PRKCE: variants seen among roughly 807,000 people sequenced by gnomAD.
PRKCE encodes protein kinase C epsilon type.
PRKCE carries 16 observed loss-of-function variants against 85.4 expected under a neutral mutation model. The ratio of observed to expected loss-of-function variants is 0.19; its 90% CI spans 0.13 to 0.28. The LOEUF (loss-of-function observed/expected upper bound fraction) is 0.28, where lower values mean the gene tolerates loss of function less well. Ranked by LOEUF, PRKCE falls within the 10% of genes least tolerant of loss-of-function variation. PRKCE has a pLI of 1.00. For missense variants in PRKCE, 573 were observed against 975.2 expected, an observed-to-expected ratio of 0.59 and a Z score of 5.49; for synonymous variants, 388 against 371.5, an observed-to-expected ratio of 1.04 and a Z score of -0.51.
chr2:45,703,030 G>T lies in PRKCE; in HGVS notation c.348+50582G>T, dbSNP rs993165966. On this transcript the variant is annotated intron_variant, in intron 1 of 14. Coordinates refer to ENST00000306156, the MANE Select transcript of PRKCE (RefSeq NM_005400.3). ...TTGAGAAAGCCTTTTTTCCCCCCCC[G>T]TCAGGAAGTCAGTCCTTATTCCTAA... 7.1e-5 allele frequency among the ~76,000 whole-genome samples: 8 copies of T among 112,740 alleles called. No individual in the cohort carries two copies. In the East Asian group the frequency reaches 1.2e-3, roughly 17 times the overall value. The allele number at this position is 112,740 out of a possible 152,430, so 74.0% of individuals were successfully genotyped here. A position where few individuals can be genotyped will look rare whatever the true frequency, so the allele number is the denominator to read the frequency against.
At chr2:46,096,372 A>T (rs1396220895) in intron 11 of PRKCE, among the ~76,000 whole-genome samples, 3 of 152,204 alleles carry the variant, frequency 2.0e-5, no homozygotes, top group Non-Finnish European at 4.4e-5. Context: ...GGAGTCAGAA[A>T]GTGAATGGAC....
intron 2 of PRKCE, among the ~76,000 whole-genome samples, chr2:45,855,132 A>T (rs1391366530): frequency 2.6e-5 from 4 of 151,158 alleles, no homozygotes; most frequent in Non-Finnish European, 5.9e-5. Context: ...CAGTGTTTCC[A>T]TTTGTTCTAT....
At chr2:45,688,658 C>T (rs1677488945) in intron 1 of PRKCE, among the ~76,000 whole-genome samples, 1 of 152,116 alleles carries the variant, frequency 6.6e-6, no homozygotes, top group Admixed American at 6.6e-5. Context: ...TTGAAAGAGA[C>T]CAAGTATTTA....
intron 10 of PRKCE, chr2:46,010,909 C>T: frequency 1.4e-6 from 2 of 1,465,838 alleles, no homozygotes; most frequent in Middle Eastern, 2.3e-4. Flanking sequence ...TAAAGGCCAC[C>T]TTAATCTCTT....
intron 1 of PRKCE, among the ~76,000 whole-genome samples, chr2:45,810,574 A>G (rs750103555): frequency 6.6e-6 from 1 of 151,742 alleles, no homozygotes; most frequent in Non-Finnish European, 1.5e-5. Context: ...CTTCATCTCC[A>G]TTGGACATCA....
chr2:46,134,357 C>G (rs1463242521), intron 11 of PRKCE, among the ~76,000 whole-genome samples: 2 of 152,166 alleles, frequency 1.3e-5, no homozygotes, highest in Non-Finnish European at 1.5e-5. Context: ...CTAGCCTTTT[C>G]CATCATCATA....
intron 2 of PRKCE, among the ~76,000 whole-genome samples, chr2:45,919,736 G>T (rs967202372): frequency 1.3e-5 from 2 of 152,240 alleles, no homozygotes. Context: ...TAGGGCTGGG[G>T]CTAGAGAAAA....
chr2:45,691,397 G>A (rs1482207956), intron 1 of PRKCE, among the ~76,000 whole-genome samples: 1 of 152,230 alleles, frequency 6.6e-6, no homozygotes. Context: ...AGCAGACTGA[G>A]TGACGCAGGC....
At chr2:45,747,265 G>T (rs1484438179) in intron 1 of PRKCE, among the ~76,000 whole-genome samples, 4 of 152,152 alleles carry the variant, frequency 2.6e-5, no homozygotes, top group African/African-American at 9.7e-5. Flanking sequence ...TTATACTTCA[G>T]TGGCTTTAAG....
chr2:45,788,374 C>G lies in PRKCE; in HGVS notation c.349-54626C>G, dbSNP rs183455732. ...TCGGTAATGTTGCTATGCAGTGGCA[C>G]GTTGATGTTCACAGAGCCATTCTGG... On this transcript the variant is annotated intron_variant, in intron 1 of 14. Coordinates refer to ENST00000306156, the MANE Select transcript of PRKCE (RefSeq NM_005400.3). Among the ~76,000 whole-genome samples, 392 of 152,274 alleles carry G rather than the reference C, an allele frequency of 2.6e-3. 1 individual carries two copies. Among genetic ancestry groups the G allele is most frequent in the African/African-American group, 9.0e-3 (376 of 41,548 alleles).
At chr2:45,948,630 C>T (rs1388207669) in intron 2 of PRKCE, among the ~76,000 whole-genome samples, 1 of 152,046 alleles carries the variant, frequency 6.6e-6, no homozygotes, top group Admixed American at 6.6e-5. Context: ...CAGAGTGAGA[C>T]CTTGTCTCTT....
At chr2:45,914,525 CTT>C (rs897733576) in intron 2 of PRKCE, among the ~76,000 whole-genome samples, 7 of 152,148 alleles carry the variant, frequency 4.6e-5, no homozygotes, top group African/African-American at 1.7e-4. Context: ...TTTCTTTGCT[CTT>C]TGGTTTGGGA....
chr2:45,930,323 G>C (rs1190272155), intron 2 of PRKCE, among the ~76,000 whole-genome samples: 1 of 152,242 alleles, frequency 6.6e-6, no homozygotes, highest in Non-Finnish European at 1.5e-5. Context: ...CTACCTACCA[G>C]TTTAAAAATG....
rs139136765 is a variant in PRKCE at position 46,104,489 on chromosome 2, ACTTT to A, written c.1592+18129_1592+18132del. Among the ~76,000 whole-genome samples the A allele has an allele frequency of 6.6e-3, 1,010 of 152,090 alleles. 19 individuals are homozygous for A. The highest frequency in any genetic ancestry group is 0.023 in the African/African-American group (936 of 41,468). On this transcript the variant is annotated intron_variant, in intron 11 of 14. Coordinates refer to ENST00000306156, the MANE Select transcript of PRKCE (RefSeq NM_005400.3). Reference sequence around the variant, plus strand: ...ATCTTCAGTGATGTAACCCTTCCAGACTTTCATGATGCTCTCTCTGTTGGGGTTC... The same window carrying A: ...ATCTTCAGTGATGTAACCCTTCCAGACATGATGCTCTCTCTGTTGGGGTTC...
chr2:45,922,762 G>C (rs903708327), intron 2 of PRKCE, among the ~76,000 whole-genome samples: 1 of 152,292 alleles, frequency 6.6e-6, no homozygotes, highest in South Asian at 2.1e-4. Context: ...GTTGCCTGGA[G>C]ATTATCATGG....
intron 10 of PRKCE, among the ~76,000 whole-genome samples, chr2:46,033,795 G>A (rs1707689199): frequency 6.6e-6 from 1 of 152,184 alleles, no homozygotes; most frequent in Non-Finnish European, 1.5e-5. Context: ...TAGAAGAATG[G>A]AGAGTCAGGG....
chr2:46,083,024 T>C (rs1015089829), intron 10 of PRKCE, among the ~76,000 whole-genome samples: 12 of 152,320 alleles, frequency 7.9e-5, no homozygotes, highest in African/African-American at 2.6e-4. Flanking sequence ...CTCAGCTCAC[T>C]GCAACTTCCA....
rs1185564826 is a variant in PRKCE, at chr2:45,884,986, TATA to T, written c.412+41924_412+41926del. 8.0e-4 allele frequency among the ~76,000 whole-genome samples: 70 copies of T among 87,976 alleles called. 5 individuals carry two copies. The highest frequency in any genetic ancestry group is 1.4e-3 in the Non-Finnish European group (57 of 40,174). The allele number at this position is 87,976 out of a possible 152,430, so 57.7% of individuals were successfully genotyped here. ...ATATATATATATATATATATATATA[TATA>T]TATATATATATATTTGTTGTTGTTG... is the stretch of plus-strand genomic sequence containing the variant. On this transcript the variant is annotated intron_variant, in intron 2 of 14. Transcript: ENST00000306156.
chr2:46,125,284 C>T (rs1169886379), intron 11 of PRKCE, among the ~76,000 whole-genome samples: 4 of 152,228 alleles, frequency 2.6e-5, no homozygotes, highest in East Asian at 1.9e-4. Context: ...GCGTCATCCC[C>T]GGTATGTGGT....
Sources: gnomAD v4.1 joint callset for allele counts (sites outside exome capture counted in the v4.1 genomes callset) on GRCh38, gnomAD v4.1.1 for gene constraint, MANE v1.5 for transcripts, NCBI Gene and HGNC (gene_info 2026-07-23, HGNC 2026-07-21) for gene names.